PLD1: variants seen among roughly 807,000 people sequenced by gnomAD.
PLD1 encodes choline phosphatase 1.
Under a neutral mutation model 137.1 loss-of-function variants are expected in PLD1, and 112 were observed. The observed-to-expected ratio is 0.82, with a 90% confidence interval of 0.70 to 0.96. The LOEUF (loss-of-function observed/expected upper bound fraction) is 0.96. Among genes scored for constraint, PLD1 ranks in the 40% least tolerant of loss-of-function variants. PLD1 has a pLI of 0.00. For missense variants in PLD1, 1,321 were observed against 1,342.0 expected (o/e 0.98, Z 0.24); for synonymous variants, 431 against 454.7 (o/e 0.95, Z 0.66).
intron 23 of PLD1, among the ~76,000 whole-genome samples, chr3:171,641,224 G>C (rs1221162645): frequency 6.6e-6 from 1 of 152,138 alleles, no homozygotes; most frequent in Non-Finnish European, 1.5e-5. Flanking sequence ...ATGCCACAAA[G>C]CTTGCTATTC....
At chr3:171,756,107 A>G (rs1267106428) in intron 1 of PLD1, among the ~76,000 whole-genome samples, 4 of 152,194 alleles carry the variant, frequency 2.6e-5, no homozygotes, top group Non-Finnish European at 5.9e-5. Context: ...CATAACCATG[A>G]TATGTTTGAA....
At chr3:171,712,096 A>C (rs1717285594) in intron 9 of PLD1, among the ~76,000 whole-genome samples, 1 of 152,200 alleles carries the variant, frequency 6.6e-6, no homozygotes, top group African/African-American at 2.4e-5. Flanking sequence ...CTGTGTTCAC[A>C]GATTCTAAAA....
intron 23 of PLD1, among the ~76,000 whole-genome samples, chr3:171,630,994 C>T (rs929297519): frequency 2.4e-4 from 36 of 150,826 alleles, no homozygotes; most frequent in Non-Finnish European, 5.0e-4. Context: ...TGCACATGTA[C>T]CCTAAAACTT....
At chr3:171,751,950 C>G (rs1720693907) in intron 1 of PLD1, among the ~76,000 whole-genome samples, 1 of 151,530 alleles carries the variant, frequency 6.6e-6, no homozygotes, top group Non-Finnish European at 1.5e-5. Flanking sequence ...TTGCAGTGAG[C>G]CGAGATCGCG....
intron 23 of PLD1, among the ~76,000 whole-genome samples, chr3:171,627,023 G>A (rs1159218867): frequency 1.3e-5 from 2 of 152,024 alleles, no homozygotes; most frequent in African/African-American, 2.4e-5. Context: ...AACTTTAAAT[G>A]TAAATGGACT....
At chr3:171,686,653 A>G in intron 16 of PLD1, 32 bp downstream of exon 16, 1 of 1,098,666 alleles carries the variant, frequency 9.1e-7, no homozygotes, top group Non-Finnish European at 1.4e-6. Flanking sequence ...GCTCAAGCCT[A>G]AGGGAGTTCT....
At chr3:171,695,647 C>G (rs1046249284) in intron 12 of PLD1, among the ~76,000 whole-genome samples, 1 of 152,114 alleles carries the variant, frequency 6.6e-6, no homozygotes, top group Non-Finnish European at 1.5e-5. Context: ...TGTTTCTTAG[C>G]CAACTTTTCC....
intron 23 of PLD1, among the ~76,000 whole-genome samples, chr3:171,625,615 CTG>C (rs1734034439): frequency 6.6e-6 from 1 of 152,204 alleles, no homozygotes; most frequent in Non-Finnish European, 1.5e-5. Flanking sequence ...TAGGTGCAGA[CTG>C]ACACCTCACA....
intron 1 of PLD1, among the ~76,000 whole-genome samples, chr3:171,739,002 T>C (rs1265153681): frequency 6.6e-6 from 1 of 152,194 alleles, no homozygotes; most frequent in African/African-American, 2.4e-5. Context: ...GTTCCTTTCT[T>C]ACTGCAAATC....
chr3:171,801,462 T>C (rs1352103871), intron 1 of PLD1, among the ~76,000 whole-genome samples: 1 of 152,266 alleles, frequency 6.6e-6, no homozygotes, highest in Non-Finnish European at 1.5e-5. Context: ...GGAGTCTCGC[T>C]CTGTCACCCA....
intron 1 of PLD1, chr3:171,771,365 C>T (rs925852489): frequency 1.3e-5 from 2 of 152,316 alleles, no homozygotes; most frequent in African/African-American, 4.8e-5. Context: ...TGGCTGACTC[C>T]CTCAAGGCAA....
chr3:171,653,178 T>C (rs1267663713), intron 21 of PLD1: 2 of 152,176 alleles, frequency 1.3e-5, no homozygotes, highest in African/African-American at 2.4e-5. Context: ...CCCATAAAGT[T>C]GATACAAAGA....
intron 1 of PLD1, among the ~76,000 whole-genome samples, chr3:171,746,808 G>T (rs1720223829): frequency 6.6e-6 from 1 of 152,226 alleles, no homozygotes; most frequent in South Asian, 2.1e-4. Context: ...CAGAATGTGG[G>T]TGGGCCCAGA....
At chr3:171,708,079 G>A (rs1358533073) in intron 11 of PLD1, among the ~76,000 whole-genome samples, 1 of 152,194 alleles carries the variant, frequency 6.6e-6, no homozygotes, top group Non-Finnish European at 1.5e-5. Flanking sequence ...CATATCCATC[G>A]TAGCCAGTGT....
intron 11 of PLD1, among the ~76,000 whole-genome samples, chr3:171,700,275 G>A (rs1190414649): frequency 6.6e-6 from 1 of 151,080 alleles, no homozygotes; most frequent in Admixed American, 6.6e-5. Context: ...GTACACAGGG[G>A]CTTAATGGGA....
chr3:171,755,708 A>T (rs1720976699), intron 1 of PLD1, among the ~76,000 whole-genome samples: 1 of 152,086 alleles, frequency 6.6e-6, no homozygotes, highest in African/African-American at 2.4e-5. Context: ...TCTCCCCTAA[A>T]AGACTGGGAG....
intron 8 of PLD1, among the ~76,000 whole-genome samples, chr3:171,724,168 G>C (rs1346338974): frequency 1.3e-5 from 2 of 152,140 alleles, no homozygotes; most frequent in African/African-American, 4.8e-5. Flanking sequence ...GAATTGCTGG[G>C]ACATGTGGTA....
chr3:171,767,204 T>C (rs1296273550), intron 1 of PLD1, among the ~76,000 whole-genome samples: 1 of 152,228 alleles, frequency 6.6e-6, no homozygotes, highest in African/African-American at 2.4e-5. Flanking sequence ...GTAGCTTAAG[T>C]GTTTAAAAGA....
chr3:171,698,339 A>G (rs971010759), intron 12 of PLD1, among the ~76,000 whole-genome samples: 2 of 152,248 alleles, frequency 1.3e-5, no homozygotes, highest in Non-Finnish European at 2.9e-5. Context: ...CCAATTCTGT[A>G]ACTGGAATTC....
Sources: gnomAD v4.1 joint callset for allele counts (sites outside exome capture counted in the v4.1 genomes callset) on GRCh38, gnomAD v4.1.1 for gene constraint, MANE v1.5 for transcripts, NCBI Gene and HGNC (gene_info 2026-07-23, HGNC 2026-07-21) for gene names.